Variants in DBN1 observed in about 807,000 individuals in gnomAD.
DBN1 encodes drebrin.
A neutral mutation model predicts 83.5 loss-of-function variants in DBN1; 21 were observed. That is an observed-to-expected ratio of 0.25 (90% confidence interval 0.18 to 0.36). DBN1 has a LOEUF of 0.36. Ranked by LOEUF, DBN1 falls within the 10% of genes least tolerant of loss-of-function variation. The pLI, the probability that DBN1 is intolerant of heterozygous loss-of-function variation, is 1.00. For synonymous variants in DBN1, 381 were observed against 384.9 expected, an observed-to-expected ratio of 0.99 and a Z score of 0.12; for missense variants, 874 against 935.7, an observed-to-expected ratio of 0.93 and a Z score of 0.86.
rs370757482 is a variant in DBN1 at position 177,458,324 on chromosome 5, C to T, written c.1648G>A (p.Val550Ile). 2.4e-5 allele frequency: 38 copies of T among 1,613,174 alleles called. No individual in the cohort carries two copies. The highest frequency in any genetic ancestry group is 3.1e-5 in the Non-Finnish European group (36 of 1,179,404). The change falls in exon 13 of 15, where the codon GTC becomes ATC. Residue 550 changes from valine (V) to isoleucine (I), a missense_variant. By Grantham distance (29) the Val-to-Ile change is conservative (BLOSUM62 3). Transcript: ENST00000393565. ...RAPTPPSGTE[V>I]TLAEVPLLDE... is the part of the protein sequence containing the mutation. ...AGCAGGGGCACCTCTGCCAGGGTGA[C>T]CTCAGTACCCGAGGGTGGCGTGGGG... is the stretch of plus-strand genomic sequence containing the variant.
At position 177,467,342 on chromosome 5, in the gene DBN1, C is replaced by A; in HGVS notation, c.478-10G>T. The stretch of plus-strand genomic sequence containing the variant: ...TCTGGTAGGTGGTGCCCTGCAGTGT[C>A]GAAGGACCCAGCATAAGCAGGCTGA... On this transcript the variant is annotated splice_polypyrimidine_tract_variant and intron_variant, in intron 5 of 14. Transcript: ENST00000393565. The surrounding 1 kb of genome is among the most constrained non-coding windows in gnomAD (Gnocchi z 9.1). 1 of 1,614,134 alleles carries A rather than the reference C, an allele frequency of 6.2e-7. No individual in the cohort carries two copies. The highest frequency in any genetic ancestry group is 8.5e-7 in the Non-Finnish European group (1 of 1,180,012).
At chr5:177,472,694 C>T in intron 1 of DBN1, 1 of 730,202 alleles carries the variant, frequency 1.4e-6, no homozygotes, top group Non-Finnish European at 1.7e-6. Context: ...GGGATCTCAG[C>T]TGGCCCCTTA....
chr5:177,468,969 T>G (rs1757661426), intron 1 of DBN1, 70 bp from the exon 2 acceptor site: 8 of 1,008,446 alleles, frequency 7.9e-6, no homozygotes, highest in Non-Finnish European at 1.1e-5. Context: ...GGGACGGCTC[T>G]GGGGAGGGAG....
intron 2 of DBN1, 92 bp downstream of exon 2, chr5:177,468,752 C>G (rs1387271715): frequency 8.8e-6 from 7 of 798,848 alleles, no homozygotes; most frequent in Non-Finnish European, 1.3e-5. Context: ...AGGGTGCAGG[C>G]AGGGAGGTGG....
intron 8 of DBN1, among the ~76,000 whole-genome samples, chr5:177,464,894 C>T (rs1009171446): frequency 1.2e-4 from 18 of 151,676 alleles, no homozygotes; most frequent in East Asian, 1.9e-4. Context: ...GTGGCTCACG[C>T]CTGTAATCCC....
chr5:177,463,534 A>G (rs1440826601), intron 8 of DBN1, among the ~76,000 whole-genome samples: 1 of 152,202 alleles, frequency 6.6e-6, no homozygotes, highest in African/African-American at 2.4e-5. Flanking sequence ...GTAACAGGGG[A>G]GAGAAAGCAA....
Position 177,473,566 on chromosome 5 carries a change from G to A in DBN1, c.-45C>T, listed in dbSNP as rs896649270. On this transcript the variant is annotated 5_prime_UTR_variant, in exon 1 of 15. Transcript: ENST00000393565. ...CGAACGGACAGACGCGCGGACGGAC[G>A]GGCGGACGGAGGAGGAGGGAGGGAA... 2.1e-5 allele frequency: 27 copies of A among 1,294,614 alleles called. No individual in the cohort carries two copies. Among genetic ancestry groups the A allele is most frequent in the South Asian group, 5.8e-5 (3 of 52,120 alleles). 80.2% of individuals were successfully genotyped at this position (1,294,614 alleles called of 1,614,324 possible). A position where few individuals can be genotyped will look rare whatever the true frequency, so the allele number is the denominator to read the frequency against.
intron 11 of DBN1, 82 bp downstream of exon 11, chr5:177,459,521 G>C: frequency 7.1e-7 from 1 of 1,399,356 alleles, no homozygotes; most frequent in South Asian, 1.5e-5. Flanking sequence ...TCAGCGGTCA[G>C]ACTGGGGGAG....
chr5:177,459,168 T>C lies in DBN1; in HGVS notation c.1194A>G (p.Ile398Met), dbSNP rs374027433. Residue 398 changes from isoleucine (I) to methionine (M), a missense_variant, in exon 12 of 15, where the codon ATA becomes ATG. Ile to Met is a conservative substitution (Grantham distance 10). Around this residue, in one of 4 missense-constraint regions of DBN1, gnomAD observed 725 missense variants for 719.7 expected, o/e 1.01. Coordinates refer to ENST00000393565, the MANE Select transcript of DBN1 (RefSeq NM_001363541.2). ...STASTPVAEQ[I>M]ERALDEVTSS... ...AGGTGACCTCATCCAGGGCCCGCTC[T>C]ATCTGCTCAGCGACAGGGGTGGAGG... 10 of 1,610,988 alleles carry C rather than the reference T, an allele frequency of 6.2e-6. No individual in the cohort carries two copies. In the African/African-American group the frequency reaches 9.4e-5, roughly 15 times the overall value.
intron 8 of DBN1, chr5:177,462,492 C>A: frequency 2.6e-6 from 2 of 764,678 alleles, no homozygotes; most frequent in Non-Finnish European, 3.2e-6. Context: ...CACGATGACA[C>A]CACATCCTAA....
At position 177,467,154 on chromosome 5, in the gene DBN1, G is replaced by C. The variant is rs1757504659; in HGVS notation, c.556-92C>G. 1 of 1,607,144 alleles carries C rather than the reference G, an allele frequency of 6.2e-7. No individual in the cohort carries two copies. Among genetic ancestry groups the C allele is most frequent in the Non-Finnish European group, 8.5e-7 (1 of 1,175,134 alleles). ...CCTCCCTAACCCAGCGCTGGGGGCGGGGCACGTGGCATGGGCCATGCCACT... is the reference window on the plus strand; with the variant it reads ...CCTCCCTAACCCAGCGCTGGGGGCGCGGCACGTGGCATGGGCCATGCCACT... On this transcript the variant is annotated intron_variant, in intron 6 of 14. Transcript: ENST00000393565. The surrounding 1 kb of genome is among the most constrained non-coding windows in gnomAD (Gnocchi z 9.1).
rs772669009 is a variant in DBN1 at position 177,460,450 on chromosome 5, G to C, written c.937C>G (p.Pro313Ala). The change falls in exon 10 of 15, where the codon CCC becomes GCC. Residue 313 changes from proline to alanine, a missense_variant. This residue lies in a region of DBN1 where 725 missense variants were observed against 719.7 expected (regional missense o/e 1.01). Transcript: ENST00000393565. ...ASAGSCDVPS[P>A]FNHRPGRPYC... Reference sequence around the variant, plus strand: ...GGACTACCTGGTCGATGGTTGAAGGGCGAGGGTACATCACAGCTGCCCGCA... The same window carrying C: ...GGACTACCTGGTCGATGGTTGAAGGCCGAGGGTACATCACAGCTGCCCGCA... 4 of 1,613,986 alleles carry C rather than the reference G, an allele frequency of 2.5e-6. No homozygotes were observed. The East Asian group carries it at 8.9e-5, about 36-fold the overall frequency.
chr5:177,473,523 C>A lies in DBN1; in HGVS notation c.-2G>T. On this transcript the variant is annotated 5_prime_UTR_variant, in exon 1 of 15. Transcript: ENST00000393565. The stretch of plus-strand genomic sequence containing the variant: ...GCCGCTGAAGCTGACGCCGGCCATG[C>A]TTCGGGCCGGACCGGGCCGAACGGA... The A allele has an allele frequency of 7.0e-7, 1 of 1,420,500 alleles. No homozygotes were observed. The allele number at this position is 1,420,500 out of a possible 1,614,324, so 88.0% of individuals were successfully genotyped here. A position where few individuals can be genotyped will look rare whatever the true frequency, so the allele number is the denominator to read the frequency against.
At chr5:177,463,091 C>T (rs961039457) in intron 8 of DBN1, among the ~76,000 whole-genome samples, 1 of 151,966 alleles carries the variant, frequency 6.6e-6, no homozygotes, top group East Asian at 1.9e-4. Flanking sequence ...GGCTGGAGTG[C>T]AGTGGCGAGA....
chr5:177,464,800 C>G (rs1757308498), intron 8 of DBN1, among the ~76,000 whole-genome samples: 1 of 151,526 alleles, frequency 6.6e-6, no homozygotes, highest in Non-Finnish European at 1.5e-5. Context: ...ATTAGCCAGG[C>G]GTGGTGGTGG....
Position 177,466,792 on chromosome 5 carries a change from A to C in DBN1, c.751T>G (p.Leu251Val), listed in dbSNP as rs78386702. Reference protein sequence around the residue: ...TLEAEEAKRRLKEQSIFGDHR... With the variant: ...TLEAEEAKRRVKEQSIFGDHR... Reference sequence around the variant, plus strand: ...CTTACAAAGATAGACTGCTCCTTCAACCGCCTCTTGGCCTCTTCCGCTTCT... The same window carrying C: ...CTTACAAAGATAGACTGCTCCTTCACCCGCCTCTTGGCCTCTTCCGCTTCT... The change falls in exon 8 of 15, where the codon TTG (leucine) becomes GTG (valine). Residue 251 changes from leucine to valine, a missense_variant. This residue lies in a region of DBN1 where 725 missense variants were observed against 719.7 expected (regional missense o/e 1.01). Coordinates refer to ENST00000393565, the MANE Select transcript of DBN1 (RefSeq NM_001363541.2). The surrounding 1 kb of genome is among the most constrained non-coding windows in gnomAD (Gnocchi z 4.8). 5.6e-6 allele frequency: 9 copies of C among 1,613,898 alleles called. No individual in the cohort carries two copies. The Admixed American group carries it at 1.3e-4, about 24-fold the overall frequency.
intron 1 of DBN1, chr5:177,471,972 C>T (rs1009397656): frequency 2.5e-6 from 2 of 812,670 alleles, no homozygotes; most frequent in African/African-American, 1.8e-5. Context: ...CCAGGCGGGG[C>T]CTTATCCCAA....
At chr5:177,465,277 A>C (rs1757366102) in intron 8 of DBN1, among the ~76,000 whole-genome samples, 1 of 152,278 alleles carries the variant, frequency 6.6e-6, no homozygotes, top group African/African-American at 2.4e-5. Flanking sequence ...GATGCATGCT[A>C]CAACATGGAT....
intron 10 of DBN1, 85 bp downstream of exon 10, chr5:177,460,347 G>T: frequency 4.4e-6 from 7 of 1,591,810 alleles, no homozygotes; most frequent in Non-Finnish European, 5.2e-6. Flanking sequence ...GCTTGGGCAA[G>T]GCCTCCCTTC....
Sources: gnomAD v4.1 joint callset for allele counts (sites outside exome capture counted in the v4.1 genomes callset) on GRCh38, gnomAD v4.1.1 for gene constraint, gnomAD v4.1.1 regional missense constraint, Gnocchi (gnomAD v3.1) non-coding constraint, MANE v1.5 for transcripts, NCBI Gene and HGNC (gene_info 2026-07-23, HGNC 2026-07-21) for gene names.